The following ELOVL6 variants were observed in gnomAD, a reference collection of about 807,000 sequenced individuals.
ELOVL6 encodes the protein ELOVL fatty acid elongase 6.
In ELOVL6, 8 loss-of-function variants were observed where a neutral mutation model predicts 31.7. The ratio of observed to expected loss-of-function variants is 0.25; its 90% CI spans 0.15 to 0.45. The LOEUF is 0.45. ELOVL6 is among the 20% of genes least tolerant of loss of function. ELOVL6 has a pLI of 1.00. For missense variants in ELOVL6, 126 were observed against 326.4 expected (o/e 0.39, Z 4.73); for synonymous variants, 101 against 117.7 (o/e 0.86, Z 0.92).
intron 2 of ELOVL6, among the ~76,000 whole-genome samples, chr4:110,094,434 T>TAAAA (rs1225363429): frequency 1.7e-5 from 1 of 59,108 alleles, no homozygotes; most frequent in Non-Finnish European, 2.9e-5. Flanking sequence ...TATATATATA[T>TAAAA]ATATATATAA....
intron 1 of ELOVL6, among the ~76,000 whole-genome samples, chr4:110,176,396 G>C (rs1759106249): frequency 6.6e-6 from 1 of 152,100 alleles, no homozygotes; most frequent in Admixed American, 6.6e-5. Flanking sequence ...TCCTGACTTT[G>C]TGATCTGCCC....
At chr4:110,167,379 C>T (rs1758807994) in intron 1 of ELOVL6, among the ~76,000 whole-genome samples, 1 of 152,104 alleles carries the variant, frequency 6.6e-6, no homozygotes, top group African/African-American at 2.4e-5. Flanking sequence ...TGTTATTATA[C>T]ATGCTGTTTC....
At chr4:110,177,738 C>G (rs1178137559) in intron 1 of ELOVL6, among the ~76,000 whole-genome samples, 1 of 152,128 alleles carries the variant, frequency 6.6e-6, no homozygotes, top group East Asian at 1.9e-4. Flanking sequence ...ACCACTGAGG[C>G]TTCCAATCAA....
At chr4:110,158,972 T>C (rs1356688885) in intron 1 of ELOVL6, among the ~76,000 whole-genome samples, 1 of 152,070 alleles carries the variant, frequency 6.6e-6, no homozygotes, top group African/African-American at 2.4e-5. Context: ...AGATATTGGA[T>C]TACTAAGTTA....
chr4:110,159,249 G>C (rs1758561216), intron 1 of ELOVL6, among the ~76,000 whole-genome samples: 1 of 152,114 alleles, frequency 6.6e-6, no homozygotes, highest in African/African-American at 2.4e-5. Flanking sequence ...CATGTGCCCA[G>C]ATACCAGGGC....
chr4:110,074,663 G>T (rs1331186536), intron 2 of ELOVL6, among the ~76,000 whole-genome samples: 1 of 152,116 alleles, frequency 6.6e-6, no homozygotes, highest in Non-Finnish European at 1.5e-5. Context: ...ATTATAGTAC[G>T]CCAGATGGTG....
At chr4:110,114,270 TA>T (rs1757115603) in intron 1 of ELOVL6, among the ~76,000 whole-genome samples, 1 of 152,168 alleles carries the variant, frequency 6.6e-6, no homozygotes, top group Non-Finnish European at 1.5e-5. Flanking sequence ...TTCCTAAATA[TA>T]AAATTTTATT....
chr4:110,056,016 G>A (rs1353442323), intron 3 of ELOVL6, among the ~76,000 whole-genome samples: 1 of 151,646 alleles, frequency 6.6e-6, no homozygotes, highest in Non-Finnish European at 1.5e-5. Flanking sequence ...TTCAGTTGGA[G>A]AAGATGCAAA....
intron 2 of ELOVL6, among the ~76,000 whole-genome samples, chr4:110,091,860 A>G (rs142900762): frequency 1.7e-3 from 252 of 152,346 alleles, no homozygotes; most frequent in African/African-American, 5.8e-3. Flanking sequence ...TGTGCAAGGA[A>G]TGAAGTATTA....
chr4:110,175,832 G>C (rs982650697), intron 1 of ELOVL6, among the ~76,000 whole-genome samples: 3 of 152,206 alleles, frequency 2.0e-5, no homozygotes, highest in Non-Finnish European at 2.9e-5. Context: ...TCTTTATTAT[G>C]TGCTGAGTAA....
chr4:110,088,162 G>A (rs1488714298), intron 2 of ELOVL6, among the ~76,000 whole-genome samples: 2 of 152,198 alleles, frequency 1.3e-5, no homozygotes, highest in East Asian at 3.8e-4. Flanking sequence ...AGGTTTTGGT[G>A]AACTGTGCAC....
At chr4:110,064,278 C>A (rs1755234886) in intron 2 of ELOVL6, among the ~76,000 whole-genome samples, 1 of 151,972 alleles carries the variant, frequency 6.6e-6, no homozygotes. Context: ...AGCTAAGGTG[C>A]TTTCTTCTCA....
rs531993907 is a variant in ELOVL6, at chr4:110,063,494, T to C, written c.222-3740A>G. Reference sequence around the variant, plus strand: ...CTCTCATCTCCACAAAAGGTAACCATGCACCAACTTTCCACAAGTGACAAC... The same window carrying C: ...CTCTCATCTCCACAAAAGGTAACCACGCACCAACTTTCCACAAGTGACAAC... On this transcript the variant is annotated intron_variant, in intron 2 of 3. Coordinates refer to ENST00000302274, the MANE Select transcript of ELOVL6 (RefSeq NM_024090.3). Among the ~76,000 whole-genome samples the C allele has an allele frequency of 5.3e-5, 8 of 151,628 alleles. No homozygotes were observed. The South Asian group carries it at 1.7e-3, about 31-fold the overall frequency.
chr4:110,065,879 T>A (rs921371466), intron 2 of ELOVL6, among the ~76,000 whole-genome samples: 9 of 152,048 alleles, frequency 5.9e-5, no homozygotes, highest in Non-Finnish European at 8.8e-5. Flanking sequence ...TAAAAAAAAA[T>A]TTTTACATTG....
intron 1 of ELOVL6, among the ~76,000 whole-genome samples, chr4:110,171,657 T>A (rs1207902202): frequency 6.7e-6 from 1 of 148,196 alleles, no homozygotes; most frequent in Admixed American, 6.7e-5. Context: ...TATCTTTTCA[T>A]CTGTATCTTG....
At chr4:110,195,139 T>C (rs1759734910) in intron 1 of ELOVL6, among the ~76,000 whole-genome samples, 1 of 152,194 alleles carries the variant, frequency 6.6e-6, no homozygotes, top group African/African-American at 2.4e-5. Flanking sequence ...AAAATCTGGT[T>C]CAAGACTTTT....
chr4:110,117,777 G>A (rs1187018524), intron 1 of ELOVL6: 35 of 142,842 alleles, frequency 2.5e-4, no homozygotes, highest in African/African-American at 8.7e-4. Context: ...AGCTACTTGG[G>A]AGGCTGAGGC....
At chr4:110,060,887 C>T (rs568064239) in intron 2 of ELOVL6, among the ~76,000 whole-genome samples, 1 of 152,218 alleles carries the variant, frequency 6.6e-6, no homozygotes, top group Admixed American at 6.5e-5. Context: ...CTTAAAATAT[C>T]TTAGAGTTGC....
intron 2 of ELOVL6, among the ~76,000 whole-genome samples, chr4:110,099,107 C>T (rs995481083): frequency 1.3e-5 from 2 of 152,066 alleles, no homozygotes; most frequent in African/African-American, 2.4e-5. Flanking sequence ...TGAACAGCTT[C>T]AGTTAGTTTT....
Sources: allele counts gnomAD v4.1 joint callset (sites outside exome capture counted in the v4.1 genomes callset), GRCh38; gene constraint gnomAD v4.1.1; transcripts MANE v1.5; gene names NCBI Gene and HGNC (gene_info 2026-07-23, HGNC 2026-07-21).